The following RAP1GAP2 variants were observed in gnomAD, a reference collection of about 807,000 sequenced individuals.
The protein encoded by RAP1GAP2 is RAP1 GTPase activating protein 2.
RAP1GAP2 carries 27 observed loss-of-function variants against 95.0 expected under a neutral mutation model. That is an observed-to-expected ratio of 0.28 (90% CI 0.21 to 0.39). The LOEUF (loss-of-function observed/expected upper bound fraction) is 0.39, where lower values mean the gene tolerates loss of function less well. RAP1GAP2 is among the 10% of genes least tolerant of loss of function. RAP1GAP2 has a pLI of 1.00. For synonymous variants in RAP1GAP2, 373 were observed against 380.9 expected (o/e 0.98, Z 0.24); for missense variants, 771 against 970.0 (o/e 0.79, Z 2.72).
chr17:2,993,437 G>A (rs1368579123), intron 12 of RAP1GAP2, among the ~76,000 whole-genome samples: 1 of 151,860 alleles, frequency 6.6e-6, no homozygotes, highest in Admixed American at 6.6e-5. Flanking sequence ...GCCGGGCGTG[G>A]TGGCACGTGC....
intron 2 of RAP1GAP2, among the ~76,000 whole-genome samples, chr17:2,890,982 G>A (rs1213394978): frequency 3.9e-5 from 6 of 151,996 alleles, no homozygotes; most frequent in South Asian, 2.1e-4. Flanking sequence ...CACCACGCCC[G>A]ACCAATGTTT....
At chr17:2,811,771 G>A (rs540527744) in intron 2 of RAP1GAP2, among the ~76,000 whole-genome samples, 2 of 152,230 alleles carry the variant, frequency 1.3e-5, no homozygotes, top group Non-Finnish European at 2.9e-5. Context: ...TAGAGACAGG[G>A]TTTCACCACG....
chr17:2,839,908 C>G (rs1015965449), intron 2 of RAP1GAP2, among the ~76,000 whole-genome samples: 3 of 152,132 alleles, frequency 2.0e-5, no homozygotes, highest in African/African-American at 7.2e-5. Context: ...AAGTGATTCT[C>G]CTGCCTCAGC....
At chr17:3,032,538 T>A in intron 24 of RAP1GAP2, 89 bp downstream of exon 24, 1 of 1,319,334 alleles carries the variant, frequency 7.6e-7, no homozygotes, top group Non-Finnish European at 1.1e-6. Flanking sequence ...AACCTCAGAA[T>A]GGCCGGAGAG....
intron 14 of RAP1GAP2, among the ~76,000 whole-genome samples, chr17:3,000,465 C>T (rs1404378276): frequency 2.5e-5 from 3 of 120,914 alleles, no homozygotes; most frequent in Non-Finnish European, 3.5e-5. Context: ...AGTGCAGGTC[C>T]AAGCACCAGG....
chr17:2,985,851 T>C (rs963057075), intron 11 of RAP1GAP2, among the ~76,000 whole-genome samples: 6 of 152,174 alleles, frequency 3.9e-5, no homozygotes, highest in Non-Finnish European at 7.4e-5. Context: ...CTTAGTGGTT[T>C]CCATACTTAC....
At chr17:2,808,511 G>A (rs147665943) in intron 2 of RAP1GAP2, among the ~76,000 whole-genome samples, 1 of 152,326 alleles carries the variant, frequency 6.6e-6, no homozygotes, top group Non-Finnish European at 1.5e-5. Context: ...GGAGAGAGCA[G>A]CATCCTGAGG....
At chr17:2,942,128 G>T (rs2151433650) in intron 3 of RAP1GAP2, among the ~76,000 whole-genome samples, 1 of 152,254 alleles carries the variant, frequency 6.6e-6, no homozygotes, top group South Asian at 2.1e-4. Flanking sequence ...AACCTTGATG[G>T]ATCTGAATTT....
chr17:2,994,570 C>T (rs1203666148), intron 12 of RAP1GAP2, among the ~76,000 whole-genome samples: 1 of 152,234 alleles, frequency 6.6e-6, no homozygotes, highest in Non-Finnish European at 1.5e-5. Context: ...TTCTGACTGA[C>T]TCCAGATGCT....
chr17:2,808,963 C>T (rs1336687212), intron 2 of RAP1GAP2, among the ~76,000 whole-genome samples: 1 of 152,168 alleles, frequency 6.6e-6, no homozygotes, highest in Non-Finnish European at 1.5e-5. Context: ...GATCTGGAGT[C>T]TCGGGGCGTG....
chr17:3,013,636 T>C (rs1281255793), intron 17 of RAP1GAP2, among the ~76,000 whole-genome samples: 4 of 136,134 alleles, frequency 2.9e-5, no homozygotes, highest in South Asian at 2.4e-4. Flanking sequence ...TCTTTTCTTT[T>C]TTTTTTTTTT....
intron 2 of RAP1GAP2, among the ~76,000 whole-genome samples, chr17:2,822,437 C>T (rs781233731): frequency 1.3e-4 from 20 of 151,848 alleles, no homozygotes; most frequent in Non-Finnish European, 2.6e-4. Flanking sequence ...GCCTGGGCAA[C>T]ATGGTGAAAC....
chr17:2,761,670 T>A (rs1403748496), intron 1 of RAP1GAP2, among the ~76,000 whole-genome samples: 2 of 152,176 alleles, frequency 1.3e-5, no homozygotes, highest in African/African-American at 2.4e-5. Context: ...TCAGCACCCT[T>A]GGGGATACCA....
At chr17:2,860,942 A>G (rs903166827) in intron 2 of RAP1GAP2, among the ~76,000 whole-genome samples, 3 of 152,052 alleles carry the variant, frequency 2.0e-5, no homozygotes, top group Admixed American at 6.6e-5. Context: ...TCCCAACTCC[A>G]TAGTCCGGCC....
intron 24 of RAP1GAP2, 71 bp downstream of exon 24, chr17:3,032,520 G>C: frequency 1.4e-6 from 2 of 1,465,818 alleles, no homozygotes. Flanking sequence ...GGGAACTAGA[G>C]GCCTTGTAAC....
rs139118061 is a variant in RAP1GAP2 at position 2,917,256 on chromosome 17, C to T, written c.165+11888C>T. Among the ~76,000 whole-genome samples the T allele has an allele frequency of 5.5e-3, 844 of 152,186 alleles. 3 individuals carry two copies. The highest frequency in any genetic ancestry group is 0.031 in the Middle Eastern group (9 of 294). On this transcript the variant is annotated intron_variant, in intron 3 of 24. Coordinates refer to ENST00000254695, the MANE Select transcript of RAP1GAP2 (RefSeq NM_015085.5). ...CCAGTCTGCCTGGGGTTAAGGCTTC[C>T]CCACTTCTTCTTCTTTTTTTTTTTC... is the stretch of plus-strand genomic sequence containing the variant.
intron 1 of RAP1GAP2, among the ~76,000 whole-genome samples, chr17:2,763,927 C>T (rs978557675): frequency 6.6e-5 from 10 of 151,658 alleles, no homozygotes; most frequent in South Asian, 2.1e-4. Context: ...TGTGTGTGCC[C>T]GGTGGGATCA....
At chr17:2,882,665 G>C (rs2073351026) in intron 2 of RAP1GAP2, among the ~76,000 whole-genome samples, 1 of 152,206 alleles carries the variant, frequency 6.6e-6, no homozygotes, top group South Asian at 2.1e-4. Context: ...ATTTCAGCAT[G>C]GTCCCTGTGT....
intron 3 of RAP1GAP2, among the ~76,000 whole-genome samples, chr17:2,921,715 A>ACAGGGCCGTTAAGGGGTCCG: frequency 6.7e-6 from 1 of 149,658 alleles, no homozygotes; most frequent in South Asian, 2.1e-4. Context: ...TTATGTGTCC[A>ACAGGGCCGTTAAGGGGTCCG]CAGGGCCGTT....
Sources: allele counts gnomAD v4.1 joint callset (sites outside exome capture counted in the v4.1 genomes callset), GRCh38; gene constraint gnomAD v4.1.1; transcripts MANE v1.5; gene names NCBI Gene and HGNC (gene_info 2026-07-23, HGNC 2026-07-21).